Variants in JAKMIP1 observed in about 807,000 individuals in gnomAD.
JAKMIP1 encodes the protein janus kinase and microtubule interacting protein 1.
A neutral mutation model predicts 113.0 loss-of-function variants in JAKMIP1; 33 were observed. The observed-to-expected ratio is 0.29, with a 90% CI of 0.22 to 0.39. JAKMIP1 has a LOEUF of 0.39. JAKMIP1 is among the 10% of genes least tolerant of loss of function. The probability of loss-of-function intolerance (pLI) is 1.00; values close to 1 mark genes in which losing one functional copy is unlikely to be tolerated. For missense variants in JAKMIP1, 813 were observed against 1,080.5 expected, an observed-to-expected ratio of 0.75 and a Z score of 3.47; for synonymous variants, 480 against 459.9, an observed-to-expected ratio of 1.04 and a Z score of -0.56.
In JAKMIP1 at chr4:6,169,148, C is replaced by T. The variant is rs141252815; in HGVS notation, c.-148+31105G>A. Among the ~76,000 whole-genome samples the T allele has an allele frequency of 2.6e-5, 4 of 152,250 alleles. No individual in the cohort carries two copies. In the East Asian group the frequency reaches 5.8e-4, roughly 22 times the overall value. On this transcript the variant is annotated intron_variant, in intron 1 of 20. Coordinates refer to ENST00000409021, the MANE Select transcript of JAKMIP1 (RefSeq NM_001099433.2). ...TAGTACATGAATTATATCTCAGTAACGCTATTGTTTTAAAAATGTTCATGT... is the reference window on the plus strand; with the variant it reads ...TAGTACATGAATTATATCTCAGTAATGCTATTGTTTTAAAAATGTTCATGT...
rs921377668 is a variant in JAKMIP1, at chr4:6,153,907, A to C, written c.-147-40910T>G. 2.0e-5 allele frequency among the ~76,000 whole-genome samples: 3 copies of C among 152,222 alleles called. No individual in the cohort carries two copies. The highest frequency in any genetic ancestry group is 7.2e-5 in the African/African-American group (3 of 41,454). On this transcript the variant is annotated intron_variant, in intron 1 of 20. Coordinates refer to ENST00000409021, the MANE Select transcript of JAKMIP1 (RefSeq NM_001099433.2). This position sits in a 1 kb window ranked among gnomAD's most constrained non-coding sequence, Gnocchi z 4.9. Reference sequence around the variant, plus strand: ...TGAGCACTCTCACTGAGAAATGCGGAACCAGCTACCCGCTCCCTGAGGCCC... The same window carrying C: ...TGAGCACTCTCACTGAGAAATGCGGCACCAGCTACCCGCTCCCTGAGGCCC...
rs1362058297 is a variant in JAKMIP1, at chr4:6,137,150, C to T, written c.-147-24153G>A. Among the ~76,000 whole-genome samples the T allele has an allele frequency of 1.3e-5, 2 of 152,150 alleles. No individual in the cohort carries two copies. Among genetic ancestry groups the T allele is most frequent in the African/African-American group, 4.8e-5 (2 of 41,430 alleles). ...TATTTTCATGGTAAGGTGCTGCATGCTCCCTTGCCTTGCAGAGCCTCCCCC... is the reference window on the plus strand; with the variant it reads ...TATTTTCATGGTAAGGTGCTGCATGTTCCCTTGCCTTGCAGAGCCTCCCCC... On this transcript the variant is annotated intron_variant, in intron 1 of 20. Coordinates refer to ENST00000409021, the MANE Select transcript of JAKMIP1 (RefSeq NM_001099433.2). This position sits in a 1 kb window ranked among gnomAD's most constrained non-coding sequence, Gnocchi z 4.5.
In JAKMIP1 at chr4:6,112,909, G is replaced by A. The variant is rs1715192586; in HGVS notation, c.-59C>T. The A allele has an allele frequency of 6.3e-7, 1 of 1,577,020 alleles. No homozygotes were observed. Among genetic ancestry groups the A allele is most frequent in the East Asian group, 2.3e-5 (1 of 44,098 alleles). On this transcript the variant is annotated 5_prime_UTR_variant, in exon 2 of 21. Transcript: ENST00000409021. ...GGTCCACACCTGTTCACGCACGCCA[G>A]CCAGCAGGCGTGGCTACCAGCTCCA... is the stretch of plus-strand genomic sequence containing the variant.
intron 2 of JAKMIP1, among the ~76,000 whole-genome samples, chr4:6,107,625 C>G (rs952263892): frequency 6.6e-6 from 1 of 152,154 alleles, no homozygotes; most frequent in East Asian, 1.9e-4. Context: ...CACTGGGACT[C>G]GAAGCTGCAA....
rs574927917 is a variant in JAKMIP1 at position 6,067,845 on chromosome 4, C to T, written c.1303-2837G>A. The stretch of plus-strand genomic sequence containing the variant: ...ACGTTCACTCAAGCTCTTCTGCACA[C>T]GCAGGTCACCCCCCTGAGCTCCACG... On this transcript the variant is annotated intron_variant, in intron 8 of 20. Coordinates refer to ENST00000409021, the MANE Select transcript of JAKMIP1 (RefSeq NM_001099433.2). The surrounding 1 kb of genome is among the most constrained non-coding windows in gnomAD (Gnocchi z 4.6). 4.6e-5 allele frequency among the ~76,000 whole-genome samples: 7 copies of T among 152,212 alleles called. No homozygotes were observed. The highest frequency in any genetic ancestry group is 7.4e-5 in the Non-Finnish European group (5 of 68,012).
chr4:6,083,862 G>C (rs1720922893), intron 5 of JAKMIP1, among the ~76,000 whole-genome samples: 1 of 152,110 alleles, frequency 6.6e-6, no homozygotes, highest in South Asian at 2.1e-4. Context: ...ACATATTCAT[G>C]AAATTTCTAT....
At chr4:6,078,896 G>T in intron 8 of JAKMIP1, 43 bp downstream of exon 8, 1 of 1,607,546 alleles carries the variant, frequency 6.2e-7, no homozygotes, top group Non-Finnish European at 8.5e-7. Flanking sequence ...GCAGATCCGT[G>T]ACACAGCGGC....
chr4:6,194,963 A>C lies in JAKMIP1; in HGVS notation c.-148+5290T>G, dbSNP rs1727692890. ...ACACAAGTGGGCGGTGGTGCCCAAC[A>C]AAGGGACCCGCCACTGCAGCTGCTG... On this transcript the variant is annotated intron_variant, in intron 1 of 20. Coordinates refer to ENST00000409021, the MANE Select transcript of JAKMIP1 (RefSeq NM_001099433.2). The surrounding 1 kb of genome is among the most constrained non-coding windows in gnomAD (Gnocchi z 7.4). 6.6e-6 allele frequency among the ~76,000 whole-genome samples: 1 copy of C among 152,116 alleles called. No individual in the cohort carries two copies. The highest frequency in any genetic ancestry group is 1.5e-5 in the Non-Finnish European group (1 of 68,006).
chr4:6,048,835 C>A, intron 16 of JAKMIP1, 22 bp downstream of exon 16: 1 of 1,608,632 alleles, frequency 6.2e-7, no homozygotes, highest in Non-Finnish European at 8.5e-7. Context: ...GGTGTGAGCA[C>A]AGAAATGCCG....
At position 6,138,522 on chromosome 4, in the gene JAKMIP1, C is replaced by T. The variant is rs185632364; in HGVS notation, c.-147-25525G>A. ...AAAATGCTGGGATTACAGGCGTGAG[C>T]CACTGCACCTGGCCTAGAATCCAAG... On this transcript the variant is annotated intron_variant, in intron 1 of 20. Coordinates refer to ENST00000409021, the MANE Select transcript of JAKMIP1 (RefSeq NM_001099433.2). The surrounding 1 kb of genome is among the most constrained non-coding windows in gnomAD (Gnocchi z 6.0). Among the ~76,000 whole-genome samples, 80 of 152,120 alleles carry T rather than the reference C, an allele frequency of 5.3e-4. No homozygotes were observed. Among genetic ancestry groups the T allele is most frequent in the African/African-American group, 1.8e-3 (76 of 41,380 alleles).
At position 6,150,715 on chromosome 4, in the gene JAKMIP1, AG is replaced by A. The variant is rs953420971; in HGVS notation, c.-147-37719del. ...AACTGCCCTGATGCTACAGGTAGGA[AG>A]AAAAATCTTTTAAAAGCACGTTAAA... On this transcript the variant is annotated intron_variant, in intron 1 of 20. Coordinates refer to ENST00000409021, the MANE Select transcript of JAKMIP1 (RefSeq NM_001099433.2). This position sits in a 1 kb window ranked among gnomAD's most constrained non-coding sequence, Gnocchi z 4.8. Among the ~76,000 whole-genome samples the A allele has an allele frequency of 1.3e-5, 2 of 152,206 alleles. No homozygotes were observed. Among genetic ancestry groups the A allele is most frequent in the African/African-American group, 4.8e-5 (2 of 41,450 alleles).
chr4:6,098,515 G>T (rs1712229217), intron 3 of JAKMIP1, among the ~76,000 whole-genome samples: 1 of 120,154 alleles, frequency 8.3e-6, no homozygotes, highest in African/African-American at 3.2e-5. Context: ...GGAAAGGAAG[G>T]AAGGAAGAAA....
chr4:6,103,698 G>C (rs1051320160), intron 3 of JAKMIP1, among the ~76,000 whole-genome samples: 1 of 152,160 alleles, frequency 6.6e-6, no homozygotes, highest in African/African-American at 2.4e-5. Flanking sequence ...GGACTACTTA[G>C]ATTTTCTATT....
In JAKMIP1 at chr4:6,085,626, C is replaced by T; in HGVS notation, c.628G>A (p.Asp210Asn). 3 of 1,613,912 alleles carry T rather than the reference C, an allele frequency of 1.9e-6. No individual in the cohort carries two copies. Among genetic ancestry groups the T allele is most frequent in the Non-Finnish European group, 2.5e-6 (3 of 1,179,980 alleles). ...ACACGGTCTTTCCCTTTGATCTCAT[C>T]CATCTGAAAAGGAGAAAGAATAAGC... The part of the protein sequence containing the change: ...ECERDIRRLM[D>N]EIKGKDRVIL... The change falls in exon 4 of 21, where the codon GAT becomes AAT. Residue 210 changes from aspartate to asparagine, a missense_variant. By Grantham distance (23) the Asp-to-Asn change is conservative. Coordinates refer to ENST00000409021, the MANE Select transcript of JAKMIP1 (RefSeq NM_001099433.2).
chr4:6,027,261 C>G (rs6822853), intron 20 of JAKMIP1, among the ~76,000 whole-genome samples: 1 of 152,138 alleles, frequency 6.6e-6, no homozygotes, highest in Admixed American at 6.5e-5. Context: ...TTCTCCCCCC[C>G]AAAACAAGGT....
chr4:6,074,359 T>C (rs1353728420), intron 8 of JAKMIP1, among the ~76,000 whole-genome samples: 1 of 152,174 alleles, frequency 6.6e-6, no homozygotes, highest in Non-Finnish European at 1.5e-5. Context: ...TGACAGAAAG[T>C]CAGGAGCTGG....
chr4:6,037,499 T>C lies in JAKMIP1; in HGVS notation c.2176-1392A>G, dbSNP rs79100444. Among the ~76,000 whole-genome samples, 425 of 120,914 alleles carry C rather than the reference T, an allele frequency of 3.5e-3. 2 individuals carry two copies. Among genetic ancestry groups the C allele is most frequent in the African/African-American group, 0.012 (359 of 29,918 alleles). The allele number at this position is 120,914 out of a possible 152,430, so 79.3% of individuals were successfully genotyped here. On this transcript the variant is annotated intron_variant, in intron 18 of 20. Coordinates refer to ENST00000409021, the MANE Select transcript of JAKMIP1 (RefSeq NM_001099433.2). ...AGGCTAACCGGTATCCCTCCATCAC[T>C]GAGTCAGAGGTTAACCCAGTAGCCC...
At chr4:6,144,355 G>T (rs561669491) in intron 1 of JAKMIP1, among the ~76,000 whole-genome samples, 1 of 152,302 alleles carries the variant, frequency 6.6e-6, no homozygotes, top group African/African-American at 2.4e-5. Context: ...AAAAGTAAAA[G>T]TGCAAAGAAC....
intron 1 of JAKMIP1, among the ~76,000 whole-genome samples, chr4:6,114,357 C>A (rs770794889): frequency 2.6e-5 from 4 of 152,170 alleles, no homozygotes; most frequent in Non-Finnish European, 5.9e-5. Flanking sequence ...AAGGTGAGGA[C>A]CTGAAGCTGG....
Sources: allele counts gnomAD v4.1 joint callset (sites outside exome capture counted in the v4.1 genomes callset), GRCh38; gene constraint gnomAD v4.1.1; non-coding constraint Gnocchi (gnomAD v3.1); transcripts MANE v1.5; gene names NCBI Gene and HGNC (gene_info 2026-07-23, HGNC 2026-07-21).